Variants in SLK observed in about 807,000 individuals in gnomAD.
The protein encoded by SLK is STE20 like kinase, also known as STE20-like serine/threonine-protein kinase.
In SLK, 67 loss-of-function variants were observed where a neutral mutation model predicts 147.7. That is an observed-to-expected ratio of 0.45 (90% CI 0.37 to 0.56). The LOEUF is 0.56. SLK is among the 20% of genes least tolerant of loss of function. SLK has a pLI of 0.00. For synonymous variants in SLK, 441 were observed against 475.0 expected (o/e 0.93, Z 0.93); for missense variants, 1,136 against 1,438.8 (o/e 0.79, Z 3.41).
At chr10:104,024,872 A>T (rs1354928055) in intron 18 of SLK, among the ~76,000 whole-genome samples, 3 of 152,168 alleles carry the variant, frequency 2.0e-5, no homozygotes, top group Admixed American at 2.0e-4. Context: ...GGGCGGAATA[A>T]CAACTCTCTT....
chr10:103,998,994 TTATAG>T (rs754458289), intron 5 of SLK, 23 bp downstream of exon 5: 6 of 1,565,778 alleles, frequency 3.8e-6, no homozygotes, highest in Non-Finnish European at 5.3e-6. Context: ...TTTTATGAAT[TTATAG>T]TATTAGTCAT....
intron 18 of SLK, among the ~76,000 whole-genome samples, chr10:104,022,993 G>A (rs768724718): frequency 1.3e-5 from 2 of 152,236 alleles, no homozygotes; most frequent in Non-Finnish European, 2.9e-5. Flanking sequence ...AATTCAAAAG[G>A]TACAGAATTG....
At chr10:103,976,765 C>A (rs914278709) in intron 1 of SLK, among the ~76,000 whole-genome samples, 3 of 152,210 alleles carry the variant, frequency 2.0e-5, no homozygotes, top group Non-Finnish European at 4.4e-5. Flanking sequence ...TCTATTCCCA[C>A]ACCAAGCTCA....
chr10:103,995,161 A>G (rs1405757296), intron 4 of SLK, among the ~76,000 whole-genome samples: 2 of 152,176 alleles, frequency 1.3e-5, no homozygotes, highest in Non-Finnish European at 2.9e-5. Flanking sequence ...ATTGATGACC[A>G]GTGTTTTAAA....
intron 1 of SLK, among the ~76,000 whole-genome samples, chr10:103,989,809 G>A (rs556416579): frequency 6.6e-6 from 1 of 152,140 alleles, no homozygotes; most frequent in Admixed American, 6.5e-5. Context: ...ATACTCTTAC[G>A]ATATGATCCA....
Position 104,008,357 on chromosome 10 carries a change from G to A in SLK, c.2784+1G>A. 1 of 1,599,502 alleles carries A rather than the reference G, an allele frequency of 6.3e-7. No homozygotes were observed. Among genetic ancestry groups the A allele is most frequent in the Non-Finnish European group, 8.5e-7 (1 of 1,172,642 alleles). Reference sequence around the variant, plus strand: ...TATGCTGAAGAACCGAAAGAAGGAGGTAAGTGTAAACTACTGTTTTTAATT... The same window carrying A: ...TATGCTGAAGAACCGAAAGAAGGAGATAAGTGTAAACTACTGTTTTTAATT... On this transcript the variant is annotated splice_donor_variant, in intron 12 of 18. Coordinates refer to ENST00000369755, the MANE Select transcript of SLK (RefSeq NM_014720.4). LOFTEE classifies it high-confidence loss of function.
At chr10:103,974,257 A>G (rs892258614) in intron 1 of SLK, among the ~76,000 whole-genome samples, 1 of 152,050 alleles carries the variant, frequency 6.6e-6, no homozygotes, top group Admixed American at 6.6e-5. Context: ...TTCAGGGGAC[A>G]CTTACCATCT....
chr10:104,018,648 T>C (rs1844495450), intron 14 of SLK, 136 bp from the exon 15 acceptor site: 2 of 873,726 alleles, frequency 2.3e-6, no homozygotes, highest in African/African-American at 1.7e-5. Context: ...ACAGTTGCAC[T>C]TGGACAGCTC....
chr10:103,976,219 A>T (rs1424439239), intron 1 of SLK, among the ~76,000 whole-genome samples: 1 of 152,200 alleles, frequency 6.6e-6, no homozygotes, highest in African/African-American at 2.4e-5. Context: ...TTTTTAAATT[A>T]AAAACCAAAA....
chr10:104,005,304 A>G (rs939104117), intron 9 of SLK, among the ~76,000 whole-genome samples: 2 of 152,214 alleles, frequency 1.3e-5, no homozygotes, highest in Non-Finnish European at 2.9e-5. Context: ...AAAGCTATAC[A>G]TGAAGATGAT....
chr10:104,018,078 C>T, intron 13 of SLK, 82 bp from the exon 14 acceptor site: 1 of 1,144,526 alleles, frequency 8.7e-7, no homozygotes, highest in South Asian at 1.6e-5. Flanking sequence ...TCTTGTTAAC[C>T]ACTAATATAT....
At chr10:103,998,747 T>G in intron 4 of SLK, 152 bp from the exon 5 acceptor site, 1 of 570,612 alleles carries the variant, frequency 1.8e-6, no homozygotes, top group Non-Finnish European at 3.1e-6. Context: ...TGGTCAAGAT[T>G]AAGATGGGAG....
intron 2 of SLK, 52 bp from the exon 3 acceptor site, chr10:103,992,546 A>G: frequency 7.1e-7 from 1 of 1,412,584 alleles, no homozygotes; most frequent in African/African-American, 1.5e-5. Flanking sequence ...ACTGAAACTC[A>G]AAACTCCATG....
In SLK at chr10:104,005,653, A is replaced by G. The variant is rs1284852705; in HGVS notation, c.2442A>G (p.Thr814=). The G allele has an allele frequency of 3.1e-6, 5 of 1,610,408 alleles. No homozygotes were observed. The East Asian group carries it at 1.1e-4, about 36-fold the overall frequency. ...EVSVTTSKIV[T]DSDSKTEELR... is the part of the protein sequence containing the mutation. ...GTGTAACAACATCAAAGATAGTTAC[A>G]GATAGTGATTCCAAAACTGAAGAAT... The change falls in exon 10 of 19, where the codon ACA becomes ACG. Residue 814 remains threonine, a synonymous_variant. Coordinates refer to ENST00000369755, the MANE Select transcript of SLK (RefSeq NM_014720.4).
intron 13 of SLK, among the ~76,000 whole-genome samples, chr10:104,013,405 A>T (rs1458366254): frequency 6.6e-6 from 1 of 152,192 alleles, no homozygotes; most frequent in Non-Finnish European, 1.5e-5. Flanking sequence ...GGTGAATTTT[A>T]AAAAAGGGGG....
In SLK at chr10:103,967,351, C is replaced by G. The variant is rs1843726511; in HGVS notation, c.-395C>G. Reference sequence around the variant, plus strand: ...CGAGGCCGCCGGCCGCTTCTCTCTCCCAGAGTGGCCGCCGCCCCTGGAGAC... The same window carrying G: ...CGAGGCCGCCGGCCGCTTCTCTCTCGCAGAGTGGCCGCCGCCCCTGGAGAC... On this transcript the variant is annotated 5_prime_UTR_variant, in exon 1 of 19. Coordinates refer to ENST00000369755, the MANE Select transcript of SLK (RefSeq NM_014720.4). The G allele has an allele frequency of 6.7e-6, 1 of 150,280 alleles. No individual in the cohort carries two copies. Among genetic ancestry groups the G allele is most frequent in the African/African-American group, 2.4e-5 (1 of 41,294 alleles). 9.3% of individuals were successfully genotyped at this position (150,280 alleles called of 1,614,324 possible).
Position 104,003,372 on chromosome 10 carries a change from A to G in SLK, c.2194A>G (p.Thr732Ala), listed in dbSNP as rs1045929615. ...NKEEIGSLSK[T>A]ETILPPESEN... ...AGAAGAAATAGGTTCTTTATCAAAA[A>G]CTGAAACTATTCTGCCACCAGAATC... is the stretch of plus-strand genomic sequence containing the variant. Residue 732 changes from threonine (T) to alanine (A), a missense_variant, in exon 9 of 19, where the codon ACT becomes GCT. Around this residue, in one of 6 missense-constraint regions of SLK, gnomAD observed 516 missense variants for 531.3 expected, o/e 0.97. Coordinates refer to ENST00000369755, the MANE Select transcript of SLK (RefSeq NM_014720.4). The G allele has an allele frequency of 5.0e-6, 8 of 1,613,918 alleles. No individual in the cohort carries two copies. The African/African-American group carries it at 9.3e-5, about 19-fold the overall frequency.
chr10:103,976,921 G>C (rs12355416), intron 1 of SLK, among the ~76,000 whole-genome samples: 1 of 152,152 alleles, frequency 6.6e-6, no homozygotes, highest in African/African-American at 2.4e-5. Context: ...CACTACAGCC[G>C]TTTTGGACAG....
At chr10:104,000,137 G>A (rs1844226302) in intron 7 of SLK, among the ~76,000 whole-genome samples, 189 bp downstream of exon 7, 1 of 152,086 alleles carries the variant, frequency 6.6e-6, no homozygotes, top group South Asian at 2.1e-4. Flanking sequence ...TATTCCTCCT[G>A]TGCTTTTTTG....
Sources: gnomAD v4.1 joint callset for allele counts (sites outside exome capture counted in the v4.1 genomes callset) on GRCh38, gnomAD v4.1.1 for gene constraint, gnomAD v4.1.1 regional missense constraint, MANE v1.5 for transcripts, NCBI Gene and HGNC (gene_info 2026-07-23, HGNC 2026-07-21) for gene names.